The following WNT3A variants were observed in gnomAD, a reference collection of about 807,000 sequenced individuals.
WNT3A encodes the protein protein Wnt-3a.
Under a neutral mutation model 37.0 loss-of-function variants are expected in WNT3A, and 17 were observed. The ratio of observed to expected loss-of-function variants is 0.46; its 90% CI spans 0.31 to 0.69. WNT3A has a LOEUF of 0.69. WNT3A is among the 30% of genes least tolerant of loss of function. The pLI is 0.05. For missense variants in WNT3A, 411 were observed against 510.2 expected (o/e 0.81, Z 1.87); for synonymous variants, 187 against 211.0 (o/e 0.89, Z 0.99).
At position 228,025,510 on chromosome 1, in the gene WNT3A, T is replaced by A. The variant is rs148157660; in HGVS notation, c.313+2602T>A. On this transcript the variant is annotated intron_variant, in intron 2 of 3. Transcript: ENST00000284523. ...ACCACAGGCATGCGCCACCATGCCC[T>A]CCCAGTGTTTGTATTTTTTGTAGAG... is the stretch of plus-strand genomic sequence containing the variant. Among the ~76,000 whole-genome samples the A allele has an allele frequency of 1.5e-3, 230 of 152,170 alleles. 4 individuals are homozygous for A. In the East Asian group the frequency reaches 0.038, roughly 25 times the overall value.
chr1:228,024,406 C>A (rs985773633), intron 2 of WNT3A, among the ~76,000 whole-genome samples: 3 of 152,244 alleles, frequency 2.0e-5, no homozygotes, highest in African/African-American at 2.4e-5. Flanking sequence ...GTTTGCACTT[C>A]TCTGATGACC....
rs1188225052 is a variant in WNT3A at position 228,008,606 on chromosome 1, C to T, written c.71+1407C>T. ...CCACCTGAGGGTCAGGCTCGGGGCT[C>T]GCCTTGGGGTGCGGGGATACTGACG... On this transcript the variant is annotated intron_variant, in intron 1 of 3. Transcript: ENST00000284523. The surrounding 1 kb of genome is among the most constrained non-coding windows in gnomAD (Gnocchi z 4.9). Among the ~76,000 whole-genome samples the T allele has an allele frequency of 1.3e-5, 2 of 152,092 alleles. No individual in the cohort carries two copies. Among genetic ancestry groups the T allele is most frequent in the East Asian group, 1.9e-4 (1 of 5,160 alleles).
intron 2 of WNT3A, among the ~76,000 whole-genome samples, chr1:228,046,281 T>C (rs2031403418): frequency 2.0e-5 from 3 of 151,690 alleles, no homozygotes; most frequent in Admixed American, 2.0e-4. Context: ...TGCATGCATG[T>C]GTTTGCATGT....
intron 2 of WNT3A, among the ~76,000 whole-genome samples, chr1:228,036,310 G>A (rs927527046): frequency 6.6e-6 from 1 of 152,142 alleles, no homozygotes; most frequent in Non-Finnish European, 1.5e-5. Flanking sequence ...GCATTGTGAG[G>A]GGTGCATGTG....
At chr1:228,058,859 G>A (rs2031733706) in intron 3 of WNT3A, 127 bp from the exon 4 acceptor site, 2 of 973,366 alleles carry the variant, frequency 2.1e-6, no homozygotes, top group Admixed American at 2.6e-5. Context: ...GGCCCTGCCT[G>A]GGAGTCTGCC....
chr1:228,058,278 T>A lies in WNT3A; in HGVS notation c.580-708T>A, dbSNP rs575024033. Among the ~76,000 whole-genome samples the A allele has an allele frequency of 1.9e-4, 29 of 152,346 alleles. No homozygotes were observed. In the South Asian group the frequency reaches 6.0e-3, roughly 32 times the overall value. On this transcript the variant is annotated intron_variant, in intron 3 of 3. Coordinates refer to ENST00000284523, the MANE Select transcript of WNT3A (RefSeq NM_033131.4). ...TAGCATTTCTGAATTCACACTGCCA[T>A]GCCTCATGGGCTCCTGTCTGTCCAG...
chr1:228,046,287 CAT>C (rs961590537), intron 2 of WNT3A, among the ~76,000 whole-genome samples: 1 of 151,292 alleles, frequency 6.6e-6, no homozygotes, highest in African/African-American at 2.4e-5. Flanking sequence ...CATGTGTTTG[CAT>C]GTGTGTGGTG....
In WNT3A at chr1:228,060,591, A is replaced by C. The variant is rs2031784548; in HGVS notation, c.*1126A>C. Reference sequence around the variant, plus strand: ...TGCCCGGGCTCCCACACCGTCAGGTACTCCTGCCAGGGAACTGGCCTGCTG... The same window carrying C: ...TGCCCGGGCTCCCACACCGTCAGGTCCTCCTGCCAGGGAACTGGCCTGCTG... On this transcript the variant is annotated 3_prime_UTR_variant, in exon 4 of 4. Transcript: ENST00000284523. 4.1e-6 allele frequency: 1 copy of C among 243,268 alleles called. No individual in the cohort carries two copies. Among genetic ancestry groups the C allele is most frequent in the Admixed American group, 4.8e-5 (1 of 20,978 alleles). 15.1% of individuals were successfully genotyped at this position (243,268 alleles called of 1,614,324 possible).
chr1:228,035,293 T>A (rs2031110745), intron 2 of WNT3A, among the ~76,000 whole-genome samples: 1 of 152,186 alleles, frequency 6.6e-6, no homozygotes, highest in African/African-American at 2.4e-5. Flanking sequence ...GTGACCCTGT[T>A]TTACAAATGA....
chr1:228,019,359 C>T (rs935657997), intron 1 of WNT3A, among the ~76,000 whole-genome samples: 5 of 152,190 alleles, frequency 3.3e-5, no homozygotes, highest in Admixed American at 1.3e-4. Context: ...TGGAAATGGC[C>T]GCATCCCCCA....
chr1:228,041,057 T>A (rs2031274852), intron 2 of WNT3A, among the ~76,000 whole-genome samples: 1 of 150,638 alleles, frequency 6.6e-6, no homozygotes, highest in South Asian at 2.1e-4. Flanking sequence ...ATCATCTATC[T>A]ATCATCTATC....
In WNT3A at chr1:228,007,128, G is replaced by T. The variant is rs780576483; in HGVS notation, c.-1G>T. ...GGCCCTCCGCGCCCTCTCGCGCGGC[G>T]ATGGCCCCACTCGGATACTTCTTAC... On this transcript the variant is annotated 5_prime_UTR_variant, in exon 1 of 4. Coordinates refer to ENST00000284523, the MANE Select transcript of WNT3A (RefSeq NM_033131.4). This position sits in a 1 kb window ranked among gnomAD's most constrained non-coding sequence, Gnocchi z 6.0. 15 of 1,577,862 alleles carry T rather than the reference G, an allele frequency of 9.5e-6. No homozygotes were observed. Among genetic ancestry groups the T allele is most frequent in the African/African-American group, 1.4e-5 (1 of 71,218 alleles).
rs2031206832 is a variant in WNT3A, at chr1:228,038,863, G to A, written c.314-11793G>A. The stretch of plus-strand genomic sequence containing the variant: ...CAGGCAGGGGGAAGGCCTGTGGGGT[G>A]GGGCATTTGCCCTGCAGACCTGGGG... On this transcript the variant is annotated intron_variant, in intron 2 of 3. Coordinates refer to ENST00000284523, the MANE Select transcript of WNT3A (RefSeq NM_033131.4). This position sits in a 1 kb window ranked among gnomAD's most constrained non-coding sequence, Gnocchi z 5.7. Among the ~76,000 whole-genome samples the A allele has an allele frequency of 6.6e-6, 1 of 152,196 alleles. No individual in the cohort carries two copies. The highest frequency in any genetic ancestry group is 6.5e-5 in the Admixed American group (1 of 15,284).
rs531121498 is a variant in WNT3A, at chr1:228,037,797, A to C, written c.314-12859A>C. 1.2e-4 allele frequency among the ~76,000 whole-genome samples: 19 copies of C among 152,334 alleles called. No individual in the cohort carries two copies. Among genetic ancestry groups the C allele is most frequent in the African/African-American group, 4.6e-4 (19 of 41,588 alleles). The stretch of plus-strand genomic sequence containing the variant: ...GCACAATATCCCAGCGACGGCGACA[A>C]GATTAAGCACAAGGGGAGAGTGCAA... On this transcript the variant is annotated intron_variant, in intron 2 of 3. Coordinates refer to ENST00000284523, the MANE Select transcript of WNT3A (RefSeq NM_033131.4). The surrounding 1 kb of genome is among the most constrained non-coding windows in gnomAD (Gnocchi z 4.1).
chr1:228,055,659 A>G (rs1053981583), intron 3 of WNT3A, among the ~76,000 whole-genome samples: 1 of 152,212 alleles, frequency 6.6e-6, no homozygotes, highest in Non-Finnish European at 1.5e-5. Flanking sequence ...AAGAAAACTG[A>G]GTCTTAAGCC....
intron 2 of WNT3A, among the ~76,000 whole-genome samples, chr1:228,030,802 C>T (rs1014314800): frequency 1.3e-5 from 2 of 152,216 alleles, no homozygotes; most frequent in Admixed American, 6.5e-5. Flanking sequence ...CAGGAGTGTC[C>T]CCCACGCTTG....
rs766639977 is a variant in WNT3A at position 228,050,722 on chromosome 1, C to T, written c.380C>T (p.Ser127Leu). 7.4e-6 allele frequency: 12 copies of T among 1,614,018 alleles called. No individual in the cohort carries two copies. The highest frequency in any genetic ancestry group is 3.3e-5 in the South Asian group (3 of 91,072). The change falls in exon 3 of 4, where the codon TCA becomes TTA. Residue 127 changes from serine (S) to leucine (L), a missense_variant. By Grantham distance (145) the Ser-to-Leu change is moderately radical (BLOSUM62 -2). Transcript: ENST00000284523. This position sits in a 1 kb window ranked among gnomAD's most constrained non-coding sequence, Gnocchi z 5.0. ...SAGVAFAVTRSCAEGTAAICG... is the reference protein window; with the variant it reads ...SAGVAFAVTRLCAEGTAAICG... ...GGTGTGGCCTTTGCAGTGACACGCTCATGTGCAGAAGGCACGGCCGCCATC... is the reference window on the plus strand; with the variant it reads ...GGTGTGGCCTTTGCAGTGACACGCTTATGTGCAGAAGGCACGGCCGCCATC...
chr1:228,060,378 C>T lies in WNT3A; in HGVS notation c.*913C>T. 8.5e-7 allele frequency: 1 copy of T among 1,175,482 alleles called. No individual in the cohort carries two copies. 72.8% of individuals were successfully genotyped at this position (1,175,482 alleles called of 1,614,324 possible). On this transcript the variant is annotated 3_prime_UTR_variant, in exon 4 of 4. Transcript: ENST00000284523. ...CCAAGCGCCTGGCTTTGGAATGCTCCAGGCGCGCCGACGCCTGTGCCACCC... is the reference window on the plus strand; with the variant it reads ...CCAAGCGCCTGGCTTTGGAATGCTCTAGGCGCGCCGACGCCTGTGCCACCC...
At chr1:228,012,464 C>T (rs974128234) in intron 1 of WNT3A, among the ~76,000 whole-genome samples, 1 of 152,212 alleles carries the variant, frequency 6.6e-6, no homozygotes, top group Non-Finnish European at 1.5e-5. Context: ...AAACCAACCA[C>T]GTCCCTCTGT....
Sources: gnomAD v4.1 joint callset for allele counts (sites outside exome capture counted in the v4.1 genomes callset) on GRCh38, gnomAD v4.1.1 for gene constraint, Gnocchi (gnomAD v3.1) non-coding constraint, MANE v1.5 for transcripts, NCBI Gene and HGNC (gene_info 2026-07-23, HGNC 2026-07-21) for gene names.